The following CCNDBP1 variants were observed in gnomAD, a reference collection of about 807,000 sequenced individuals.
CCNDBP1 encodes the protein cyclin D1 binding protein 1.
Under a neutral mutation model 46.2 loss-of-function variants are expected in CCNDBP1, and 45 were observed. The ratio of observed to expected loss-of-function variants is 0.97; its 90% CI spans 0.77 to 1.25. The LOEUF (loss-of-function observed/expected upper bound fraction) is 1.25, where lower values mean the gene tolerates loss of function less well. CCNDBP1 is among the 50% of genes most tolerant of loss of function. CCNDBP1 has a pLI of 0.00. For missense variants in CCNDBP1, 436 were observed against 442.1 expected, an observed-to-expected ratio of 0.99 and a Z score of 0.12; for synonymous variants, 154 against 163.6, an observed-to-expected ratio of 0.94 and a Z score of 0.45.
Position 43,197,015 on chromosome 15 carries a change from C to G in CCNDBP1, c.*2174C>G. The stretch of plus-strand genomic sequence containing the variant: ...GCTGGCTGTTAAAACGAGGCTGGCA[C>G]CTGGCACTTACCCCTACCCCTCAAC... On this transcript the variant is annotated 3_prime_UTR_variant, in exon 11 of 11. Transcript: ENST00000300213. 1 of 424,446 alleles carries G rather than the reference C, an allele frequency of 2.4e-6. No individual in the cohort carries two copies. Among genetic ancestry groups the G allele is most frequent in the Non-Finnish European group, 4.4e-6 (1 of 226,946 alleles). 26.3% of individuals were successfully genotyped at this position (424,446 alleles called of 1,614,324 possible). A position where few individuals can be genotyped will look rare whatever the true frequency, so the allele number is the denominator to read the frequency against.
chr15:43,189,670 G>A (rs1468957010), intron 4 of CCNDBP1: 1 of 313,090 alleles, frequency 3.2e-6, no homozygotes, highest in African/African-American at 2.1e-5. Flanking sequence ...ATGGCCTCCA[G>A]CCCTGCCTGT....
rs966948834 is a variant in CCNDBP1 at position 43,191,429 on chromosome 15, T to A, written c.614T>A (p.Leu205Ter). ...VEECDPYSGL[L>*]NDTEENNSDN... ...GAATGTGACCCTTACTCTGGCCTCT[T>A]GAATGATACTGAGGAGAACAACTCT... Residue 205 changes from leucine (L) to a stop codon, truncating the protein, a stop_gained, in exon 8 of 11, where the codon TTG (leucine) becomes TAG (stop). Coordinates refer to ENST00000300213, the MANE Select transcript of CCNDBP1 (RefSeq NM_012142.5). LOFTEE classifies it high-confidence loss of function. 1.2e-6 allele frequency: 2 copies of A among 1,609,302 alleles called. No homozygotes were observed. Among genetic ancestry groups the A allele is most frequent in the Non-Finnish European group, 1.7e-6 (2 of 1,178,048 alleles).
Position 43,191,122 on chromosome 15 carries a change from T to C in CCNDBP1, c.579+80T>C. 2.5e-6 allele frequency: 3 copies of C among 1,190,464 alleles called. No individual in the cohort carries two copies. The South Asian group carries it at 3.7e-5, about 15-fold the overall frequency. 73.7% of individuals were successfully genotyped at this position (1,190,464 alleles called of 1,614,324 possible). The stretch of plus-strand genomic sequence containing the variant: ...ATTATAAAGAGAGATTTCCTGAGCA[T>C]TGACCAGATAGGTCCCATTCTCACT... On this transcript the variant is annotated intron_variant, in intron 7 of 10. Transcript: ENST00000300213.
intron 4 of CCNDBP1, 39 bp from the exon 5 acceptor site, chr15:43,190,016 A>G: frequency 6.4e-7 from 1 of 1,567,860 alleles, no homozygotes; most frequent in Non-Finnish European, 8.8e-7. Flanking sequence ...TGCTTCTGAA[A>G]AGAACACCAG....
rs745843795 is a variant in CCNDBP1 at position 43,194,870 on chromosome 15, C to T, written c.*29C>T. 140 of 1,371,124 alleles carry T rather than the reference C, an allele frequency of 1.0e-4. No homozygotes were observed. The highest frequency in any genetic ancestry group is 1.2e-4 in the Non-Finnish European group (118 of 959,718). The allele number at this position is 1,371,124 out of a possible 1,614,324, so 84.9% of individuals were successfully genotyped here. ...TTCAGGCTCATTTGTACTCTCTTCC[C>T]CTCTCATCGTCATGGTCAGGCTCTG... On this transcript the variant is annotated 3_prime_UTR_variant, in exon 11 of 11. Coordinates refer to ENST00000300213, the MANE Select transcript of CCNDBP1 (RefSeq NM_012142.5).
chr15:43,189,224 T>G lies in CCNDBP1; in HGVS notation c.275T>G (p.Val92Gly). The G allele has an allele frequency of 6.2e-7, 1 of 1,612,674 alleles. No homozygotes were observed. The highest frequency in any genetic ancestry group is 1.1e-5 in the South Asian group (1 of 90,812). ...GAAACCCAGAAGTTCTGTGAACAAG[T>G]CCATGCTGCCATCAAGGCATTTATT... Reference protein sequence around the residue: ...PQETQKFCEQVHAAIKAFIAV... With the variant: ...PQETQKFCEQGHAAIKAFIAV... Residue 92 changes from valine to glycine, a missense_variant, in exon 4 of 11, where the codon GTC becomes GGC. By Grantham distance (109) the Val-to-Gly change is moderately radical (BLOSUM62 -3). Transcript: ENST00000300213.
intron 7 of CCNDBP1, 96 bp from the exon 8 acceptor site, chr15:43,191,299 G>T (rs980754722): frequency 2.2e-5 from 29 of 1,295,808 alleles, no homozygotes; most frequent in East Asian, 2.0e-4. Flanking sequence ...TAAGATTTTT[G>T]GACAACTAAG....
intron 3 of CCNDBP1, among the ~76,000 whole-genome samples, chr15:43,186,621 T>C (rs903402857): frequency 6.6e-6 from 1 of 152,242 alleles, no homozygotes. Context: ...GTCTATCTGA[T>C]GTCTAAGCTA....
chr15:43,193,020 A>G, intron 9 of CCNDBP1: 1 of 556,060 alleles, frequency 1.8e-6, no homozygotes, highest in Non-Finnish European at 3.2e-6. Flanking sequence ...CTCTTCCATA[A>G]TCACCTGGGT....
rs552930898 is a variant in CCNDBP1 at position 43,192,791 on chromosome 15, C to T, written c.909C>T (p.Thr303=). The change falls in exon 9 of 11, where the codon ACC becomes ACT. Residue 303 remains threonine (T), a synonymous_variant. Transcript: ENST00000300213. ...LSIYPPMCHL[T]VRINSAKLVS... ...TATATCCACCTATGTGTCACCTGAC[C>T]GTGCGAATCAATGTAAGTACTGGCT... 8.2e-5 allele frequency: 132 copies of T among 1,613,974 alleles called. 1 individual carries two copies. In the South Asian group the frequency reaches 1.2e-3, roughly 14 times the overall value.
chr15:43,191,420 C>G lies in CCNDBP1; in HGVS notation c.605C>G (p.Ser202Cys). Residue 202 changes from serine (S) to cysteine (C), a missense_variant, in exon 8 of 11, where the codon TCT becomes TGT. Ser to Cys is a moderately radical substitution (Grantham distance 112, BLOSUM62 -1). Coordinates refer to ENST00000300213, the MANE Select transcript of CCNDBP1 (RefSeq NM_012142.5). ...GCTGTGGAAGAATGTGACCCTTACT[C>G]TGGCCTCTTGAATGATACTGAGGAG... is the stretch of plus-strand genomic sequence containing the variant. ...EQAVEECDPY[S>C]GLLNDTEENN... 6.6e-7 allele frequency: 1 copy of G among 1,513,322 alleles called. No homozygotes were observed. Among genetic ancestry groups the G allele is most frequent in the Non-Finnish European group, 8.9e-7 (1 of 1,124,638 alleles). 93.7% of individuals were successfully genotyped at this position (1,513,322 alleles called of 1,614,324 possible). A position where few individuals can be genotyped will look rare whatever the true frequency, so the allele number is the denominator to read the frequency against.
At chr15:43,187,482 C>T (rs754009960) in intron 3 of CCNDBP1, among the ~76,000 whole-genome samples, 1 of 152,014 alleles carries the variant, frequency 6.6e-6, no homozygotes, top group Non-Finnish European at 1.5e-5. Context: ...GTTGGGCAGG[C>T]TAGTCTCGAA....
At position 43,194,736 on chromosome 15, in the gene CCNDBP1, T is replaced by C; in HGVS notation, c.978T>C (p.His326=). 6.2e-7 allele frequency: 1 copy of C among 1,608,106 alleles called. No homozygotes were observed. Among genetic ancestry groups the C allele is most frequent in the Non-Finnish European group, 8.5e-7 (1 of 1,174,516 alleles). ...KKALEITKAS[H]VTPQPEDSWI... is the part of the protein sequence containing the mutation. ...CCTATTCTATTCACAGAGCAAGTCA[T>C]GTGACCCCTCAGCCAGAAGATAGTT... Residue 326 remains histidine (H), a synonymous_variant, in exon 11 of 11, where the codon CAT becomes CAC. Transcript: ENST00000300213.
At chr15:43,189,495 C>G in intron 4 of CCNDBP1, 1 of 477,836 alleles carries the variant, frequency 2.1e-6, no homozygotes, top group East Asian at 3.6e-5. Context: ...CCCTGCCTTG[C>G]CTGACTCATA....
rs1323473909 is a variant in CCNDBP1 at position 43,194,987 on chromosome 15, T to G, written c.*146T>G. The G allele has an allele frequency of 5.2e-6, 3 of 573,922 alleles. No individual in the cohort carries two copies. In the African/African-American group the frequency reaches 5.8e-5, roughly 11 times the overall value. The allele number at this position is 573,922 out of a possible 1,614,324, so 35.6% of individuals were successfully genotyped here. A position where few individuals can be genotyped will look rare whatever the true frequency, so the allele number is the denominator to read the frequency against. ...CAAGAGACACTATTACCAAAGATTG[T>G]TGGTTAGGCCAGATTGACACCTATT... On this transcript the variant is annotated 3_prime_UTR_variant, in exon 11 of 11. Coordinates refer to ENST00000300213, the MANE Select transcript of CCNDBP1 (RefSeq NM_012142.5).
chr15:43,191,153 C>A, intron 7 of CCNDBP1, 111 bp downstream of exon 7: 1 of 895,064 alleles, frequency 1.1e-6, no homozygotes, highest in Non-Finnish European at 1.8e-6. Context: ...TCACTACTGT[C>A]CTCTGTCTTC....
chr15:43,187,258 A>G (rs2041866962), intron 3 of CCNDBP1, among the ~76,000 whole-genome samples: 1 of 150,380 alleles, frequency 6.6e-6, no homozygotes, highest in Non-Finnish European at 1.5e-5. Flanking sequence ...CTCTCCTCCT[A>G]CATACCTTTG....
rs1406258732 is a variant in CCNDBP1 at position 43,191,811 on chromosome 15, A to G, written c.860+136A>G. 4 of 892,340 alleles carry G rather than the reference A, an allele frequency of 4.5e-6. No individual in the cohort carries two copies. In the African/African-American group the frequency reaches 6.7e-5, roughly 15 times the overall value. 55.3% of individuals were successfully genotyped at this position (892,340 alleles called of 1,614,324 possible). A position where few individuals can be genotyped will look rare whatever the true frequency, so the allele number is the denominator to read the frequency against. ...ATAGGAAAGTTTAAAAAGTACCTTC[A>G]GTGAACACCCCTATATCCTTCTATT... On this transcript the variant is annotated intron_variant, in intron 8 of 10. Coordinates refer to ENST00000300213, the MANE Select transcript of CCNDBP1 (RefSeq NM_012142.5).
intron 3 of CCNDBP1, 40 bp from the exon 4 acceptor site, chr15:43,189,159 G>A (rs2041907238): frequency 1.9e-6 from 2 of 1,053,420 alleles, no homozygotes; most frequent in South Asian, 1.3e-5. Context: ...CACAGCAGAA[G>A]GGTTGACCAC....
Sources: allele counts gnomAD v4.1 joint callset (sites outside exome capture counted in the v4.1 genomes callset), GRCh38; gene constraint gnomAD v4.1.1; transcripts MANE v1.5; gene names NCBI Gene and HGNC (gene_info 2026-07-23, HGNC 2026-07-21).